The following NELL1 variants were observed in gnomAD, a reference collection of about 807,000 sequenced individuals.
The protein encoded by NELL1 is protein kinase C-binding protein NELL1.
NELL1 carries 76 observed loss-of-function variants against 107.4 expected under a neutral mutation model. That is an observed-to-expected ratio of 0.71 (90% confidence interval 0.59 to 0.86). The LOEUF is 0.86. Among genes scored for constraint, NELL1 ranks in the 40% least tolerant of loss-of-function variants. NELL1 has a pLI of 0.00. For missense variants in NELL1, 1,024 were observed against 1,005.5 expected, an observed-to-expected ratio of 1.02 and a Z score of -0.25; for synonymous variants, 353 against 341.2, an observed-to-expected ratio of 1.03 and a Z score of -0.38.
intron 2 of NELL1, among the ~76,000 whole-genome samples, chr11:20,682,998 G>A (rs765040705): frequency 6.6e-5 from 10 of 151,838 alleles, no homozygotes; most frequent in South Asian, 2.1e-4. Flanking sequence ...TTTCATCAGC[G>A]TATTTAGACT....
intron 14 of NELL1, among the ~76,000 whole-genome samples, chr11:21,337,025 A>T (rs1296299762): frequency 6.6e-6 from 1 of 152,056 alleles, no homozygotes; most frequent in Non-Finnish European, 1.5e-5. Context: ...ATGTTGTAAG[A>T]AAGAACTTTT....
chr11:20,695,555 G>C (rs1468515454), intron 2 of NELL1, among the ~76,000 whole-genome samples: 1 of 151,808 alleles, frequency 6.6e-6, no homozygotes, highest in Non-Finnish European at 1.5e-5. Context: ...ATGATCATAT[G>C]GTTTCTGTTT....
At chr11:20,940,283 C>T (rs541468103) in intron 10 of NELL1, among the ~76,000 whole-genome samples, 4 of 149,730 alleles carry the variant, frequency 2.7e-5, no homozygotes, top group East Asian at 4.0e-4. Flanking sequence ...TTTTTTAGAC[C>T]GGGTCTCGCT....
At chr11:21,389,739 G>C (rs1851825862) in intron 15 of NELL1, among the ~76,000 whole-genome samples, 1 of 151,770 alleles carries the variant, frequency 6.6e-6, no homozygotes, top group East Asian at 2.0e-4. Flanking sequence ...TATTCATGCT[G>C]TGAATTGGTT....
At chr11:21,146,259 A>T (rs1287645288) in intron 13 of NELL1, among the ~76,000 whole-genome samples, 1 of 128,554 alleles carries the variant, frequency 7.8e-6, no homozygotes, top group Non-Finnish European at 1.6e-5. Flanking sequence ...CTGAATAGTT[A>T]AAAAAAAAAA....
chr11:21,485,677 T>G (rs956009768), intron 15 of NELL1, among the ~76,000 whole-genome samples: 7 of 151,664 alleles, frequency 4.6e-5, no homozygotes, highest in African/African-American at 1.5e-4. Context: ...GAGGCCAGTC[T>G]GCAGCACAGT....
chr11:21,215,711 C>T (rs895630593), intron 13 of NELL1, among the ~76,000 whole-genome samples: 2 of 152,000 alleles, frequency 1.3e-5, no homozygotes, highest in African/African-American at 4.8e-5. Flanking sequence ...TTGCCTCTGC[C>T]CTAGAGATCT....
At chr11:21,262,336 A>G (rs925098988) in intron 14 of NELL1, among the ~76,000 whole-genome samples, 1 of 151,638 alleles carries the variant, frequency 6.6e-6, no homozygotes, top group Non-Finnish European at 1.5e-5. Flanking sequence ...CCCCGTTCCT[A>G]TGTACTGTGC....
In NELL1 at chr11:21,390,725, G is replaced by C. The variant is rs35245739; in HGVS notation, c.1645+19777G>C. Among the ~76,000 whole-genome samples the C allele has an allele frequency of 2.1e-3, 320 of 151,916 alleles. 1 individual carries two copies. Among genetic ancestry groups the C allele is most frequent in the African/African-American group, 7.4e-3 (309 of 41,522 alleles). ...ATGATTACCTAATTTTGTTATTGCTGTTTGTTCAGTTTTTCATTCACTCAA... is the reference window on the plus strand; with the variant it reads ...ATGATTACCTAATTTTGTTATTGCTCTTTGTTCAGTTTTTCATTCACTCAA... On this transcript the variant is annotated intron_variant, in intron 15 of 19. Transcript: ENST00000357134.
At chr11:21,378,724 T>C (rs996850945) in intron 15 of NELL1, among the ~76,000 whole-genome samples, 1 of 151,490 alleles carries the variant, frequency 6.6e-6, no homozygotes, top group African/African-American at 2.4e-5. Flanking sequence ...TACATTTTTT[T>C]TTTTTTTTTT....
intron 14 of NELL1, among the ~76,000 whole-genome samples, chr11:21,369,050 G>A (rs907613717): frequency 6.6e-6 from 1 of 151,926 alleles, no homozygotes; most frequent in African/African-American, 2.4e-5. Context: ...ATATACCTAC[G>A]ATGAAACAGC....
intron 13 of NELL1, among the ~76,000 whole-genome samples, chr11:21,180,071 C>T (rs1490859698): frequency 5.2e-5 from 1 of 19,080 alleles, no homozygotes; most frequent in South Asian, 1.9e-3. Flanking sequence ...TAGTTGGGGG[C>T]AGGGTGGGCG....
rs765908016 is a variant in NELL1, at chr11:20,674,548, C to T, written c.56-3384C>T. 3.9e-6 allele frequency: 6 copies of T among 1,533,652 alleles called. No individual in the cohort carries two copies. The South Asian group carries it at 7.1e-5, about 18-fold the overall frequency. On this transcript the variant is annotated intron_variant, in intron 1 of 19. Transcript: ENST00000357134. ...ATGGAGAACTAGAGTTCTGAAGTCTCTGCTTCAGCAATCCCTTCAGGGAGG... is the reference window on the plus strand; with the variant it reads ...ATGGAGAACTAGAGTTCTGAAGTCTTTGCTTCAGCAATCCCTTCAGGGAGG...
At chr11:20,843,581 T>TAAAA (rs1848655155) in intron 3 of NELL1, among the ~76,000 whole-genome samples, 1 of 147,336 alleles carries the variant, frequency 6.8e-6, no homozygotes, top group South Asian at 2.1e-4. Context: ...ATATAATATA[T>TAAAA]TTTATATATT....
At chr11:21,226,849 G>GCC (rs1439116434) in intron 13 of NELL1, among the ~76,000 whole-genome samples, 3 of 152,308 alleles carry the variant, frequency 2.0e-5, no homozygotes, top group Admixed American at 6.5e-5. Context: ...GTTTGAAGTG[G>GCC]TGTCTGAAGC....
At chr11:21,301,964 T>C (rs1467327775) in intron 14 of NELL1, among the ~76,000 whole-genome samples, 1 of 152,056 alleles carries the variant, frequency 6.6e-6, no homozygotes, top group Admixed American at 6.6e-5. Flanking sequence ...TGTTCTGCAA[T>C]AGGTGAAGAT....
At chr11:20,904,223 A>G (rs974841293) in intron 5 of NELL1, among the ~76,000 whole-genome samples, 13 of 152,208 alleles carry the variant, frequency 8.5e-5, no homozygotes, top group African/African-American at 3.1e-4. Flanking sequence ...AAATAAAAAA[A>G]AAAAGAAAAA....
chr11:20,829,229 T>A (rs895671486), intron 3 of NELL1, among the ~76,000 whole-genome samples: 1 of 148,940 alleles, frequency 6.7e-6, no homozygotes, highest in African/African-American at 2.5e-5. Context: ...GACTATTTTT[T>A]TTTTTTTTTT....
At chr11:21,003,288 A>T (rs964345771) in intron 12 of NELL1, among the ~76,000 whole-genome samples, 1 of 152,192 alleles carries the variant, frequency 6.6e-6, no homozygotes, top group Middle Eastern at 3.2e-3. Flanking sequence ...TAATGATTAG[A>T]TCTCTGGTTT....
Sources: gnomAD v4.1 joint callset for allele counts (sites outside exome capture counted in the v4.1 genomes callset) on GRCh38, gnomAD v4.1.1 for gene constraint, MANE v1.5 for transcripts, NCBI Gene and HGNC (gene_info 2026-07-23, HGNC 2026-07-21) for gene names.